TTLL5: variants seen among roughly 807,000 people sequenced by gnomAD.
TTLL5 encodes tubulin polyglutamylase TTLL5.
TTLL5 carries 132 observed loss-of-function variants against 168.4 expected under a neutral mutation model. The observed-to-expected ratio is 0.78, with a 90% CI of 0.68 to 0.91. The LOEUF is 0.91. Ranked by LOEUF, TTLL5 falls within the 40% of genes least tolerant of loss-of-function variation. The pLI is 0.00. For missense variants in TTLL5, 1,545 were observed against 1,581.5 expected (o/e 0.98, Z 0.39); for synonymous variants, 546 against 558.6 (o/e 0.98, Z 0.32).
chr14:75,949,855 A>G (rs1299997836), intron 31 of TTLL5, among the ~76,000 whole-genome samples: 1 of 151,954 alleles, frequency 6.6e-6, no homozygotes, highest in African/African-American at 2.4e-5. Flanking sequence ...GTCTCCAAAA[A>G]AAAAGAAAAA....
intron 3 of TTLL5, among the ~76,000 whole-genome samples, chr14:75,677,892 A>G (rs1884304755): frequency 6.6e-6 from 1 of 151,476 alleles, no homozygotes; most frequent in African/African-American, 2.4e-5. Context: ...CCAGCCTCCC[A>G]TCGTACTGGG....
intron 31 of TTLL5, among the ~76,000 whole-genome samples, chr14:75,903,156 T>C (rs1335219221): frequency 2.0e-5 from 3 of 152,144 alleles, no homozygotes; most frequent in Non-Finnish European, 2.9e-5. Context: ...CACAGGCAGA[T>C]TATCAAACTT....
At chr14:75,693,510 G>T (rs1885605524) in intron 6 of TTLL5, among the ~76,000 whole-genome samples, 1 of 152,226 alleles carries the variant, frequency 6.6e-6, no homozygotes, top group Non-Finnish European at 1.5e-5. Context: ...ACTGTTCTCA[G>T]TAATTTGAGT....
intron 12 of TTLL5, among the ~76,000 whole-genome samples, chr14:75,730,731 T>C (rs1888477357): frequency 6.6e-6 from 1 of 151,940 alleles, no homozygotes; most frequent in African/African-American, 2.4e-5. Context: ...GTCTCTAGAT[T>C]CCCATTCTAG....
Position 75,779,688 on chromosome 14 carries a change from G to T in TTLL5, c.2501G>T (p.Ser834Ile), listed in dbSNP as rs774808403. 5.6e-6 allele frequency: 9 copies of T among 1,612,458 alleles called. No individual in the cohort carries two copies. Among genetic ancestry groups the T allele is most frequent in the Non-Finnish European group, 5.9e-6 (7 of 1,179,514 alleles). ...AAGAACAACAACAATTATTCTGATA[G>T]TGGGGCAAAAGGTGGTAAGTATACT... ...ISKNNNNYSD[S>I]GAKGDHPETI... Residue 834 changes from serine (S) to isoleucine (I), a missense_variant, in exon 24 of 32, where the codon AGT becomes ATT. Ser to Ile is a moderately radical substitution (Grantham distance 142). Coordinates refer to ENST00000298832, the MANE Select transcript of TTLL5 (RefSeq NM_015072.5).
chr14:75,678,814 T>C (rs2044292125), intron 3 of TTLL5, among the ~76,000 whole-genome samples: 1 of 152,184 alleles, frequency 6.6e-6, no homozygotes, highest in South Asian at 2.1e-4. Flanking sequence ...TGGTTAAGAC[T>C]GTGTTCACCA....
intron 28 of TTLL5, among the ~76,000 whole-genome samples, chr14:75,857,477 G>T (rs1897191871): frequency 1.3e-5 from 2 of 151,840 alleles, no homozygotes; most frequent in African/African-American, 4.8e-5. Flanking sequence ...CAGGCATATT[G>T]GTCTGAAAAG....
At chr14:75,763,257 G>C (rs758011274) in intron 18 of TTLL5, among the ~76,000 whole-genome samples, 1 of 18,638 alleles carries the variant, frequency 5.4e-5, no homozygotes, top group Non-Finnish European at 2.2e-4. Flanking sequence ...CTCTCTCTCT[G>C]TGTGTGTGTG....
At chr14:75,907,169 G>A (rs1341618377) in intron 31 of TTLL5, among the ~76,000 whole-genome samples, 3 of 152,152 alleles carry the variant, frequency 2.0e-5, no homozygotes, top group Non-Finnish European at 2.9e-5. Flanking sequence ...TTTTGGTGAG[G>A]TTGATGAATT....
intron 4 of TTLL5, among the ~76,000 whole-genome samples, chr14:75,683,064 A>C (rs1354614787): frequency 6.6e-6 from 1 of 152,150 alleles, no homozygotes; most frequent in Non-Finnish European, 1.5e-5. Context: ...GAGCCACCGC[A>C]CTTGTCCGTG....
intron 15 of TTLL5, among the ~76,000 whole-genome samples, chr14:75,737,980 T>A (rs188580265): frequency 9.9e-5 from 15 of 152,284 alleles, no homozygotes; most frequent in Admixed American, 9.8e-4. Flanking sequence ...AAACATACTG[T>A]TGTCTATAGC....
chr14:75,747,299 A>G lies in TTLL5; in HGVS notation c.1487+1718A>G, dbSNP rs1315236296. Among the ~76,000 whole-genome samples, 2 of 151,892 alleles carry G rather than the reference A, an allele frequency of 1.3e-5. 1 individual carries two copies. Among genetic ancestry groups the G allele is most frequent in the South Asian group, 4.1e-4 (2 of 4,826 alleles). The stretch of plus-strand genomic sequence containing the variant: ...CCTTTTTCTCTTTTTCATTATGTTC[A>G]TGATTTCCTTTACATTTTTGTTTAC... On this transcript the variant is annotated intron_variant, in intron 17 of 31. Transcript: ENST00000298832.
chr14:75,790,528 G>C (rs1444502623), intron 26 of TTLL5, among the ~76,000 whole-genome samples: 4 of 150,766 alleles, frequency 2.7e-5, no homozygotes. Context: ...CTGGAGTTTA[G>C]TGGTGCAATC....
intron 28 of TTLL5, among the ~76,000 whole-genome samples, chr14:75,841,668 G>A (rs1896259214): frequency 6.6e-6 from 1 of 152,006 alleles, no homozygotes; most frequent in Non-Finnish European, 1.5e-5. Context: ...TGTAAATCGG[G>A]GGATTGGGAA....
intron 28 of TTLL5, among the ~76,000 whole-genome samples, chr14:75,847,382 A>G (rs1896603405): frequency 6.6e-6 from 1 of 152,048 alleles, no homozygotes; most frequent in Admixed American, 6.5e-5. Context: ...CCATAGAGGA[A>G]TATGGACTTT....
At chr14:75,661,913 A>C (rs1381619565) in intron 1 of TTLL5, among the ~76,000 whole-genome samples, 1 of 152,030 alleles carries the variant, frequency 6.6e-6, no homozygotes, top group South Asian at 2.1e-4. Flanking sequence ...TTATGAATGC[A>C]TGGAAAAGTT....
intron 3 of TTLL5, among the ~76,000 whole-genome samples, chr14:75,678,776 A>G (rs1265036980): frequency 1.3e-5 from 2 of 152,204 alleles, no homozygotes; most frequent in Non-Finnish European, 2.9e-5. Context: ...ATTATTTTGC[A>G]GTATTGGTGA....
At chr14:75,846,475 T>C (rs764883411) in intron 28 of TTLL5, among the ~76,000 whole-genome samples, 2 of 152,168 alleles carry the variant, frequency 1.3e-5, no homozygotes, top group Non-Finnish European at 2.9e-5. Flanking sequence ...AACCATGATA[T>C]CATGATAAGA....
chr14:75,730,165 C>G (rs998985813), intron 12 of TTLL5, among the ~76,000 whole-genome samples: 24 of 152,178 alleles, frequency 1.6e-4, no homozygotes, highest in African/African-American at 5.8e-4. Context: ...ATGTTGTATT[C>G]TCTCTTGCTT....
Sources: allele counts gnomAD v4.1 joint callset (sites outside exome capture counted in the v4.1 genomes callset), GRCh38; gene constraint gnomAD v4.1.1; transcripts MANE v1.5; gene names NCBI Gene and HGNC (gene_info 2026-07-23, HGNC 2026-07-21).